Variants in HECW1 observed in about 807,000 individuals in gnomAD.
HECW1 encodes HECT, C2 and WW domain containing E3 ubiquitin protein ligase 1.
HECW1 carries 61 observed loss-of-function variants against 182.3 expected under a neutral mutation model. The ratio of observed to expected loss-of-function variants is 0.33; its 90% CI spans 0.27 to 0.41. HECW1 has a LOEUF of 0.41. HECW1 is among the 10% of genes least tolerant of loss of function. The probability of loss-of-function intolerance (pLI) is 1.00; values close to 1 mark genes in which losing one functional copy is unlikely to be tolerated. For synonymous variants in HECW1, 859 were observed against 832.6 expected (o/e 1.03, Z -0.55); for missense variants, 1,739 against 2,108.9 (o/e 0.82, Z 3.44).
intron 3 of HECW1, among the ~76,000 whole-genome samples, chr7:43,274,741 C>T (rs1474442910): frequency 1.3e-5 from 2 of 152,102 alleles, no homozygotes; most frequent in African/African-American, 2.4e-5. Context: ...TTATTTGATA[C>T]ACACTTATTG....
intron 2 of HECW1, among the ~76,000 whole-genome samples, chr7:43,240,380 G>T (rs917535136): frequency 1.3e-5 from 2 of 152,152 alleles, no homozygotes; most frequent in African/African-American, 4.8e-5. Context: ...CTTTTATATT[G>T]CTAGCTTTTA....
intron 3 of HECW1, among the ~76,000 whole-genome samples, chr7:43,247,761 AAGAGAGGAAAAAAG>A (rs1177056668): frequency 5.2e-5 from 6 of 116,214 alleles, no homozygotes; most frequent in African/African-American, 2.0e-4. Context: ...GAGGAAGGGA[AAGAGAGGAAAAAAG>A]AGAGAGAAAA....
intron 5 of HECW1, among the ~76,000 whole-genome samples, chr7:43,328,551 C>A (rs975515849): frequency 6.6e-6 from 1 of 152,144 alleles, no homozygotes; most frequent in African/African-American, 2.4e-5. Flanking sequence ...GCCCAGCCCA[C>A]GTGGGAAGAC....
At chr7:43,447,299 CA>C (rs1029716300) in intron 11 of HECW1, among the ~76,000 whole-genome samples, 8 of 152,138 alleles carry the variant, frequency 5.3e-5, no homozygotes, top group African/African-American at 1.9e-4. Context: ...AAACTTGGCT[CA>C]ATGTAAATTT....
At chr7:43,166,293 G>A (rs1252855948) in intron 2 of HECW1, among the ~76,000 whole-genome samples, 2 of 152,176 alleles carry the variant, frequency 1.3e-5, no homozygotes, top group Non-Finnish European at 2.9e-5. Flanking sequence ...ATGTTGGCCA[G>A]GTTGGTCACG....
At chr7:43,280,286 G>C (rs1268566470) in intron 3 of HECW1, among the ~76,000 whole-genome samples, 1 of 152,188 alleles carries the variant, frequency 6.6e-6, no homozygotes, top group African/African-American at 2.4e-5. Context: ...AGGGTCACAA[G>C]ATGGAGTGGC....
chr7:43,513,666 CTG>C (rs1217045708), intron 24 of HECW1, among the ~76,000 whole-genome samples: 1 of 146,714 alleles, frequency 6.8e-6, no homozygotes, highest in Non-Finnish European at 1.5e-5. Flanking sequence ...GAAAAAAAAA[CTG>C]TTTGTGGGTT....
intron 5 of HECW1, among the ~76,000 whole-genome samples, chr7:43,355,450 GTTAAA>G (rs1815003448): frequency 1.3e-5 from 2 of 152,150 alleles, no homozygotes; most frequent in African/African-American, 4.8e-5. Flanking sequence ...GGAGGATGGA[GTTAAA>G]TTATAGAGGC....
At chr7:43,118,840 T>C (rs1785298814) in intron 2 of HECW1, 1 of 152,082 alleles carries the variant, frequency 6.6e-6, no homozygotes. Context: ...AAGAGGATGA[T>C]GATAAGGAAA....
rs184081304 is a variant in HECW1, at chr7:43,269,537, G to A, written c.27+25605G>A. The stretch of plus-strand genomic sequence containing the variant: ...TCACACTTGAAGCATATTTGGGTTA[G>A]GAAGACAGTTTCAATATAGGAGTGA... On this transcript the variant is annotated intron_variant, in intron 3 of 29. Transcript: ENST00000395891. Among the ~76,000 whole-genome samples, 5 of 152,308 alleles carry A rather than the reference G, an allele frequency of 3.3e-5. No individual in the cohort carries two copies. In the East Asian group the frequency reaches 9.6e-4, roughly 29 times the overall value.
intron 24 of HECW1, among the ~76,000 whole-genome samples, chr7:43,531,679 A>G (rs2080997582): frequency 2.0e-5 from 3 of 152,036 alleles, no homozygotes; most frequent in South Asian, 4.2e-4. Flanking sequence ...AAGATTGCCA[A>G]AACCATCTGG....
intron 5 of HECW1, among the ~76,000 whole-genome samples, chr7:43,336,143 TTTCTCTCTCTC>T (rs1812209772): frequency 3.8e-5 from 2 of 52,296 alleles, no homozygotes; most frequent in Admixed American, 2.2e-4. Context: ...TCTCTCTCTC[TTTCTCTCTCTC>T]TCTCTCTCTC....
intron 2 of HECW1, among the ~76,000 whole-genome samples, chr7:43,189,758 T>C (rs151163074): frequency 2.2e-4 from 34 of 152,318 alleles, no homozygotes; most frequent in African/African-American, 7.9e-4. Flanking sequence ...AAATGCATAA[T>C]TACCAATGGA....
At chr7:43,392,989 G>A (rs11768193) in intron 6 of HECW1, among the ~76,000 whole-genome samples, 2 of 152,108 alleles carry the variant, frequency 1.3e-5, no homozygotes, top group Non-Finnish European at 2.9e-5. Flanking sequence ...AATGAGAGTA[G>A]GAGAGAAAGA....
chr7:43,164,061 C>T (rs563213543), intron 2 of HECW1, among the ~76,000 whole-genome samples: 3 of 152,156 alleles, frequency 2.0e-5, no homozygotes, highest in Admixed American at 1.3e-4. Flanking sequence ...GCGAAGAGAG[C>T]GGTTGGAGGC....
chr7:43,558,454 T>G (rs1422456569), intron 29 of HECW1, among the ~76,000 whole-genome samples: 1 of 152,146 alleles, frequency 6.6e-6, no homozygotes, highest in African/African-American at 2.4e-5. Flanking sequence ...GTTTACTCTG[T>G]AGCAGTGATT....
At chr7:43,342,850 C>G (rs1425941768) in intron 5 of HECW1, among the ~76,000 whole-genome samples, 1 of 142,376 alleles carries the variant, frequency 7.0e-6, no homozygotes, top group Non-Finnish European at 1.5e-5. Context: ...ACAGGGAAAC[C>G]CTGTCTCTAC....
At chr7:43,224,181 A>G (rs2152704726) in intron 2 of HECW1, among the ~76,000 whole-genome samples, 1 of 152,358 alleles carries the variant, frequency 6.6e-6, no homozygotes, top group Non-Finnish European at 1.5e-5. Context: ...AAAATGAATG[A>G]ATAGATGTAT....
chr7:43,478,778 A>T (rs1465308712), intron 16 of HECW1, among the ~76,000 whole-genome samples: 1 of 152,146 alleles, frequency 6.6e-6, no homozygotes, highest in African/African-American at 2.4e-5. Flanking sequence ...AAATATACAC[A>T]TTCTATAATA....
Sources: gnomAD v4.1 joint callset for allele counts (sites outside exome capture counted in the v4.1 genomes callset) on GRCh38, gnomAD v4.1.1 for gene constraint, MANE v1.5 for transcripts, NCBI Gene and HGNC (gene_info 2026-07-23, HGNC 2026-07-21) for gene names.